PHLDB1: variants seen among roughly 807,000 people sequenced by gnomAD.
PHLDB1 encodes pleckstrin homology-like domain family B member 1.
In PHLDB1, 65 loss-of-function variants were observed where a neutral mutation model predicts 139.3. The ratio of observed to expected loss-of-function variants is 0.47; its 90% confidence interval spans 0.38 to 0.57. The LOEUF (loss-of-function observed/expected upper bound fraction) is 0.57, where lower values mean the gene tolerates loss of function less well. PHLDB1 is among the 20% of genes least tolerant of loss of function. The pLI, the probability that PHLDB1 is intolerant of heterozygous loss-of-function variation, is 0.00. For missense variants in PHLDB1, 1,624 were observed against 1,839.7 expected (o/e 0.88, Z 2.14); for synonymous variants, 679 against 734.5 (o/e 0.92, Z 1.22).
chr11:118,609,346 C>T (rs1292087127), intron 1 of PHLDB1, among the ~76,000 whole-genome samples: 5 of 118,370 alleles, frequency 4.2e-5, no homozygotes, highest in Admixed American at 7.9e-5. Context: ...ACACACAGCC[C>T]ATCACACACA....
intron 4 of PHLDB1, among the ~76,000 whole-genome samples, chr11:118,622,168 G>A (rs541052706): frequency 1.3e-5 from 2 of 152,260 alleles, no homozygotes; most frequent in Admixed American, 1.3e-4. Context: ...GATCCCCCCT[G>A]GGCATGGGGG....
In PHLDB1 at chr11:118,635,544, G is replaced by A; in HGVS notation, c.2531G>A (p.Arg844Lys). The A allele has an allele frequency of 6.5e-7, 1 of 1,544,554 alleles. No individual in the cohort carries two copies. The highest frequency in any genetic ancestry group is 8.7e-7 in the Non-Finnish European group (1 of 1,146,454). ...KAELLRSIAKRKERLAILDSQ... is the reference protein window; with the variant it reads ...KAELLRSIAKKKERLAILDSQ... ...GAGCTGCTCCGCAGCATCGCCAAGA[G>A]GAAGGTGTGCCCCACCTCGTTCCCT... Residue 844 changes from arginine (R) to lysine (K), a missense_variant, in exon 10 of 23, where the codon AGG (arginine) becomes AAG (lysine). By Grantham distance (26) the Arg-to-Lys change is conservative (BLOSUM62 2). Coordinates refer to ENST00000600882, the MANE Select transcript of PHLDB1 (RefSeq NM_001144758.3).
rs1455713614 is a variant in PHLDB1 at position 118,631,779 on chromosome 11, G to C, written c.2101-134G>C. 4 of 1,072,302 alleles carry C rather than the reference G, an allele frequency of 3.7e-6. No individual in the cohort carries two copies. In the East Asian group the frequency reaches 7.2e-5, roughly 19 times the overall value. The allele number at this position is 1,072,302 out of a possible 1,614,324, so 66.4% of individuals were successfully genotyped here. Reference sequence around the variant, plus strand: ...TCCCCTCAAAGGTGGGGGTTGCGGGGGGGCAGGGAATTAGCCTCCTGTCTC... The same window carrying C: ...TCCCCTCAAAGGTGGGGGTTGCGGGCGGGCAGGGAATTAGCCTCCTGTCTC... On this transcript the variant is annotated intron_variant, in intron 7 of 22. Coordinates refer to ENST00000600882, the MANE Select transcript of PHLDB1 (RefSeq NM_001144758.3).
In PHLDB1 at chr11:118,614,629, G is replaced by A. The variant is rs782131435; in HGVS notation, c.131G>A (p.Ser44Asn). 1 of 1,614,042 alleles carries A rather than the reference G, an allele frequency of 6.2e-7. No individual in the cohort carries two copies. Among genetic ancestry groups the A allele is most frequent in the South Asian group, 1.1e-5 (1 of 91,078 alleles). ...KVQTDKPHLV[S>N]LGSGRLSTAI... Reference sequence around the variant, plus strand: ...CAAACGGACAAACCCCACCTGGTGAGCCTGGGCAGTGGGCGACTCAGCACA... The same window carrying A: ...CAAACGGACAAACCCCACCTGGTGAACCTGGGCAGTGGGCGACTCAGCACA... Residue 44 changes from serine (S) to asparagine (N), a missense_variant, in exon 3 of 23, where the codon AGC becomes AAC. Ser to Asn is a conservative substitution (Grantham distance 46, BLOSUM62 1). Transcript: ENST00000600882.
intron 20 of PHLDB1, chr11:118,655,117 A>G (rs1555140723): frequency 2.6e-5 from 4 of 155,378 alleles, no homozygotes; most frequent in African/African-American, 9.6e-5. Flanking sequence ...GTTGTTTCCA[A>G]TCTTCTGTGA....
intron 3 of PHLDB1, among the ~76,000 whole-genome samples, chr11:118,615,352 T>C (rs11603023): frequency 0.58 from 87,360 of 151,808 alleles, 25,308 homozygotes; most frequent in East Asian, 0.72. Context: ...ATACCATAGA[T>C]GGAGAATGGA....
intron 4 of PHLDB1, among the ~76,000 whole-genome samples, chr11:118,618,039 G>T (rs1305362148): frequency 1.3e-5 from 2 of 152,006 alleles, no homozygotes; most frequent in East Asian, 3.9e-4. Flanking sequence ...TCTTTCCAAT[G>T]CATCATTTAG....
chr11:118,646,367 G>GT (rs1565489777), intron 17 of PHLDB1: 1 of 150,182 alleles, frequency 6.7e-6, no homozygotes, highest in Non-Finnish European at 1.5e-5. Context: ...AGGCAGCATA[G>GT]TAACCATTCT....
intron 18 of PHLDB1, among the ~76,000 whole-genome samples, chr11:118,649,751 C>G (rs1948090053): frequency 6.6e-6 from 1 of 152,150 alleles, no homozygotes; most frequent in South Asian, 2.1e-4. Flanking sequence ...CTTCCCAGAC[C>G]ACGTTCATAT....
Position 118,611,107 on chromosome 11 carries a change from C to T in PHLDB1, c.-21-2709C>T, listed in dbSNP as rs1170851029. On this transcript the variant is annotated intron_variant, in intron 1 of 22. Coordinates refer to ENST00000600882, the MANE Select transcript of PHLDB1 (RefSeq NM_001144758.3). This position sits in a 1 kb window ranked among gnomAD's most constrained non-coding sequence, Gnocchi z 4.7. ...GTGAGGGACGTCCCTCGCGTAGCGC[C>T]ACTCAGCCGCCGGGGCCAGAGCGGG... Among the ~76,000 whole-genome samples the T allele has an allele frequency of 6.6e-6, 1 of 152,230 alleles. No homozygotes were observed. The highest frequency in any genetic ancestry group is 1.5e-5 in the Non-Finnish European group (1 of 68,038).
At chr11:118,614,347 A>G (rs1303190968) in intron 2 of PHLDB1, among the ~76,000 whole-genome samples, 1 of 148,444 alleles carries the variant, frequency 6.7e-6, no homozygotes, top group Non-Finnish European at 1.5e-5. Context: ...AAGACTTGCG[A>G]TAAATCCAGT....
intron 22 of PHLDB1, 127 bp downstream of exon 22, chr11:118,656,019 T>C (rs782611596): frequency 3.1e-5 from 23 of 742,938 alleles, no homozygotes; most frequent in Non-Finnish European, 5.0e-5. Flanking sequence ...GAAAGCAGGT[T>C]GCAAAGAGCA....
Position 118,613,848 on chromosome 11 carries a change from C to G in PHLDB1, c.12C>G (p.Leu4=). The part of the protein sequence containing the change: MDA[L]NRNQIGPGCQ... ...GGAGCCTTAGGACCATGGACGCTCT[C>G]AATAGGAACCAAATAGGCCCTGGAT... Residue 4 remains leucine (L), a synonymous_variant, in exon 2 of 23, where the codon CTC becomes CTG. Transcript: ENST00000600882. 6.2e-7 allele frequency: 1 copy of G among 1,612,384 alleles called. No individual in the cohort carries two copies. Among genetic ancestry groups the G allele is most frequent in the Non-Finnish European group, 8.5e-7 (1 of 1,178,758 alleles).
Position 118,608,268 on chromosome 11 carries a change from G to A in PHLDB1, c.-22+569G>A, listed in dbSNP as rs1939490461. Among the ~76,000 whole-genome samples, 1 of 152,078 alleles carries A rather than the reference G, an allele frequency of 6.6e-6. No individual in the cohort carries two copies. Among genetic ancestry groups the A allele is most frequent in the Non-Finnish European group, 1.5e-5 (1 of 67,968 alleles). ...GGGGTGTCCAGGAGATGGGAAGCCC[G>A]CCTGGGGCCTCCCAGGCACTCCCCA... is the stretch of plus-strand genomic sequence containing the variant. On this transcript the variant is annotated intron_variant, in intron 1 of 22. Coordinates refer to ENST00000600882, the MANE Select transcript of PHLDB1 (RefSeq NM_001144758.3). This position sits in a 1 kb window ranked among gnomAD's most constrained non-coding sequence, Gnocchi z 6.7.
At position 118,612,381 on chromosome 11, in the gene PHLDB1, C is replaced by T. The variant is rs1024667965; in HGVS notation, c.-21-1435C>T. Among the ~76,000 whole-genome samples, 6 of 152,322 alleles carry T rather than the reference C, an allele frequency of 3.9e-5. No individual in the cohort carries two copies. The South Asian group carries it at 1.2e-3, about 32-fold the overall frequency. ...ACATAAACTCCCCATTCCCAACCCA[C>T]TCTCTTGCCCCTCCTCCCTCAGAAA... On this transcript the variant is annotated intron_variant, in intron 1 of 22. Transcript: ENST00000600882.
At position 118,616,183 on chromosome 11, in the gene PHLDB1, T is replaced by C; in HGVS notation, c.327T>C (p.Pro109=). 2.5e-6 allele frequency: 4 copies of C among 1,614,096 alleles called. No individual in the cohort carries two copies. The highest frequency in any genetic ancestry group is 3.4e-6 in the Non-Finnish European group (4 of 1,180,004). The change falls in exon 4 of 23, where the codon CCT becomes CCC. Residue 109 remains proline (P), a synonymous_variant. Transcript: ENST00000600882. Reference sequence around the variant, plus strand: ...ATGCCTGCACTATTGATGGGCTCCCTGTCCGGCAGCCTACCCGGCTCACTC... The same window carrying C: ...ATGCCTGCACTATTGATGGGCTCCCCGTCCGGCAGCCTACCCGGCTCACTC... ...CGNACTIDGL[P]VRQPTRLTQG...
At chr11:118,613,491 G>T in intron 1 of PHLDB1, 1 of 1,032,766 alleles carries the variant, frequency 9.7e-7, no homozygotes, top group Non-Finnish European at 1.2e-6. Context: ...ACAGGGCCAA[G>T]GGTCTTCAGC....
At chr11:118,612,242 A>C (rs1391759621) in intron 1 of PHLDB1, among the ~76,000 whole-genome samples, 1 of 152,100 alleles carries the variant, frequency 6.6e-6, no homozygotes, top group Non-Finnish European at 1.5e-5. Context: ...TAAATAAATA[A>C]AGTCAGGGTA....
intron 6 of PHLDB1, chr11:118,629,893 C>A: frequency 1.7e-6 from 1 of 594,682 alleles, no homozygotes; most frequent in Non-Finnish European, 2.6e-6. Context: ...CTAGTCCTGA[C>A]CTGCCTCACC....
Sources: allele counts gnomAD v4.1 joint callset (sites outside exome capture counted in the v4.1 genomes callset), GRCh38; gene constraint gnomAD v4.1.1; non-coding constraint Gnocchi (gnomAD v3.1); transcripts MANE v1.5; gene names NCBI Gene and HGNC (gene_info 2026-07-23, HGNC 2026-07-21).